Variants in ASTN2 observed in about 807,000 individuals in gnomAD.
ASTN2 encodes astrotactin-2.
A neutral mutation model predicts 139.8 loss-of-function variants in ASTN2; 54 were observed. That is an observed-to-expected ratio of 0.39 (90% CI 0.31 to 0.48). The LOEUF (loss-of-function observed/expected upper bound fraction) is 0.48. Ranked by LOEUF, ASTN2 falls within the 20% of genes least tolerant of loss-of-function variation. The pLI, the probability that ASTN2 is intolerant of heterozygous loss-of-function variation, is 0.95. For synonymous variants in ASTN2, 756 were observed against 719.5 expected (o/e 1.05, Z -0.81); for missense variants, 1,565 against 1,725.1 (o/e 0.91, Z 1.64).
At chr9:116,465,076 T>C (rs1588084320) in intron 20 of ASTN2, among the ~76,000 whole-genome samples, 1 of 152,194 alleles carries the variant, frequency 6.6e-6, no homozygotes, top group Admixed American at 6.5e-5. Context: ...GATGTCACAT[T>C]TGAGCATACC....
intron 19 of ASTN2, chr9:116,551,162 A>C (rs1041734222): frequency 6.6e-6 from 1 of 152,158 alleles, no homozygotes; most frequent in Non-Finnish European, 1.5e-5. Context: ...AATTCCCAGA[A>C]ATTCTGGTTC....
At chr9:116,908,668 G>C (rs1834231347) in intron 10 of ASTN2, among the ~76,000 whole-genome samples, 1 of 152,166 alleles carries the variant, frequency 6.6e-6, no homozygotes, top group South Asian at 2.1e-4. Context: ...GGAAAGAGCA[G>C]GGTGAGAATT....
intron 22 of ASTN2, among the ~76,000 whole-genome samples, chr9:116,439,711 C>T (rs1038146719): frequency 3.9e-5 from 6 of 152,210 alleles, no homozygotes; most frequent in Non-Finnish European, 8.8e-5. Context: ...ACAACCCTCA[C>T]TTACCTTACC....
rs143197628 is a variant in ASTN2 at position 117,078,650 on chromosome 9, A to G, written c.1276+17394T>C. ...TAGCTTGAAAATGGCTGGAGGGCAGAGACCACTAGTCTTAACCATCTATGC... is the reference window on the plus strand; with the variant it reads ...TAGCTTGAAAATGGCTGGAGGGCAGGGACCACTAGTCTTAACCATCTATGC... On this transcript the variant is annotated intron_variant, in intron 5 of 22. Transcript: ENST00000313400. Among the ~76,000 whole-genome samples the G allele has an allele frequency of 2.3e-3, 347 of 152,338 alleles. 1 individual carries two copies. The highest frequency in any genetic ancestry group is 7.6e-3 in the African/African-American group (316 of 41,586).
chr9:116,935,223 A>G (rs1475257261), intron 10 of ASTN2, among the ~76,000 whole-genome samples: 2 of 152,198 alleles, frequency 1.3e-5, no homozygotes, highest in African/African-American at 2.4e-5. Flanking sequence ...TCATGGTTCA[A>G]TACATAGAGG....
At position 116,699,911 on chromosome 9, in the gene ASTN2, T is replaced by G; in HGVS notation, c.2806+25860A>C. On this transcript the variant is annotated intron_variant, in intron 16 of 22. Coordinates refer to ENST00000313400, the MANE Select transcript of ASTN2 (RefSeq NM_001365068.1). The surrounding 1 kb of genome is among the most constrained non-coding windows in gnomAD (Gnocchi z 4.2). ...CACCTAAATTTAGAGCTTTAAAAGA[T>G]GCACTGCCCAAATAGGACACACGAT... 1 of 697,348 alleles carries G rather than the reference T, an allele frequency of 1.4e-6. No individual in the cohort carries two copies. 43.2% of individuals were successfully genotyped at this position (697,348 alleles called of 1,614,324 possible).
At chr9:117,193,245 T>C (rs1588060370) in intron 3 of ASTN2, among the ~76,000 whole-genome samples, 2 of 152,220 alleles carry the variant, frequency 1.3e-5, no homozygotes, top group East Asian at 3.9e-4. Context: ...ACATTTAAAA[T>C]GCAAAATTCA....
chr9:116,664,322 C>A (rs1279183179), intron 16 of ASTN2, among the ~76,000 whole-genome samples: 4 of 151,270 alleles, frequency 2.6e-5, no homozygotes, highest in African/African-American at 9.7e-5. Context: ...CTCAAGGAAT[C>A]CACCCTCCTT....
At chr9:116,475,549 T>C (rs907526341) in intron 20 of ASTN2, among the ~76,000 whole-genome samples, 3 of 152,224 alleles carry the variant, frequency 2.0e-5, no homozygotes, top group Admixed American at 2.0e-4. Context: ...AGTGAACACA[T>C]CTGTGCCCTG....
chr9:117,084,693 G>T (rs1343207166), intron 5 of ASTN2, among the ~76,000 whole-genome samples: 1 of 152,186 alleles, frequency 6.6e-6, no homozygotes, highest in Admixed American at 6.5e-5. Context: ...TAAGTTCCAG[G>T]CTTGGGAAAT....
intron 5 of ASTN2, among the ~76,000 whole-genome samples, chr9:117,047,792 T>G (rs1365455272): frequency 6.6e-6 from 1 of 152,086 alleles, no homozygotes; most frequent in Non-Finnish European, 1.5e-5. Context: ...GTACTTTGTA[T>G]AGATTTGTTT....
intron 7 of ASTN2, among the ~76,000 whole-genome samples, chr9:117,001,715 C>T (rs1039980035): frequency 4.6e-5 from 7 of 152,202 alleles, no homozygotes; most frequent in African/African-American, 1.7e-4. Context: ...GAAAGGTCAT[C>T]TTCTTCATGA....
At chr9:116,509,264 T>C (rs993242122) in intron 19 of ASTN2, among the ~76,000 whole-genome samples, 9 of 152,134 alleles carry the variant, frequency 5.9e-5, no homozygotes, top group Admixed American at 3.9e-4. Flanking sequence ...CAGTGTTTGG[T>C]TTTTTGTCTT....
At chr9:116,437,306 G>C (rs1478630117) in intron 22 of ASTN2, 1 of 471,278 alleles carries the variant, frequency 2.1e-6, no homozygotes, top group Admixed American at 2.3e-5. Context: ...GAGCTTATTA[G>C]CAGCACCAGG....
intron 19 of ASTN2, among the ~76,000 whole-genome samples, chr9:116,532,435 C>T (rs1172177211): frequency 6.6e-6 from 1 of 152,130 alleles, no homozygotes; most frequent in African/African-American, 2.4e-5. Flanking sequence ...AGGTCCTTGC[C>T]CATGCCTATG....
At chr9:117,057,270 A>T (rs1359145732) in intron 5 of ASTN2, among the ~76,000 whole-genome samples, 1 of 152,010 alleles carries the variant, frequency 6.6e-6, no homozygotes, top group Admixed American at 6.6e-5. Flanking sequence ...AATGCTTCCT[A>T]CCCCACCCCC....
At position 116,698,698 on chromosome 9, in the gene ASTN2, C is replaced by G. The variant is rs1437843367; in HGVS notation, c.2806+27073G>C. 6.2e-7 allele frequency: 1 copy of G among 1,614,200 alleles called. No homozygotes were observed. Among genetic ancestry groups the G allele is most frequent in the Non-Finnish European group, 8.5e-7 (1 of 1,180,040 alleles). ...GCCACAGCGTCTGCTGCCTCTACCT[C>G]TGTTACTTTTAGAGAGATGGACATG... On this transcript the variant is annotated intron_variant, in intron 16 of 22. Coordinates refer to ENST00000313400, the MANE Select transcript of ASTN2 (RefSeq NM_001365068.1). This position sits in a 1 kb window ranked among gnomAD's most constrained non-coding sequence, Gnocchi z 4.4.
chr9:116,899,463 C>T (rs1695159701), intron 10 of ASTN2, among the ~76,000 whole-genome samples: 1 of 152,122 alleles, frequency 6.6e-6, no homozygotes, highest in Non-Finnish European at 1.5e-5. Flanking sequence ...TTCCTCCCCA[C>T]AAAATAATAA....
rs373244808 is a variant in ASTN2 at position 116,558,504 on chromosome 9, T to C, written c.3355+59820A>G. On this transcript the variant is annotated intron_variant, in intron 19 of 22. Transcript: ENST00000313400. ...GACCAAGAGAGCTTATGGAAGGACA[T>C]GGGCCATTTCTCAGCAAGATGACAC... Among the ~76,000 whole-genome samples, 41 of 152,290 alleles carry C rather than the reference T, an allele frequency of 2.7e-4. No individual in the cohort carries two copies. In the East Asian group the frequency reaches 6.2e-3, roughly 23 times the overall value.
Sources: allele counts gnomAD v4.1 joint callset (sites outside exome capture counted in the v4.1 genomes callset), GRCh38; gene constraint gnomAD v4.1.1; non-coding constraint Gnocchi (gnomAD v3.1); transcripts MANE v1.5; gene names NCBI Gene and HGNC (gene_info 2026-07-23, HGNC 2026-07-21).